Variants in CRYBG3 observed in about 807,000 individuals in gnomAD.
CRYBG3 encodes crystallin beta-gamma domain containing 3, also known as very large A-kinase anchor protein.
CRYBG3 carries 127 observed loss-of-function variants against 244.2 expected under a neutral mutation model. That is an observed-to-expected ratio of 0.52 (90% CI 0.45 to 0.60). The LOEUF (loss-of-function observed/expected upper bound fraction) is 0.60. Among genes scored for constraint, CRYBG3 ranks in the 20% least tolerant of loss-of-function variants. The probability of loss-of-function intolerance (pLI) is 0.00; values close to 1 mark genes in which losing one functional copy is unlikely to be tolerated. For missense variants in CRYBG3, 3,325 were observed against 3,442.5 expected, an observed-to-expected ratio of 0.97 and a Z score of 0.85; for synonymous variants, 1,132 against 1,195.8, an observed-to-expected ratio of 0.95 and a Z score of 1.10.
intron 18 of CRYBG3, among the ~76,000 whole-genome samples, chr3:97,935,461 T>C (rs2040153278): frequency 6.6e-6 from 1 of 151,946 alleles, no homozygotes; most frequent in Non-Finnish European, 1.5e-5. Context: ...TCAAGTCTGA[T>C]CTTGGTTGTG....
intron 8 of CRYBG3, among the ~76,000 whole-genome samples, chr3:97,887,316 ACT>A (rs1174620472): frequency 6.6e-6 from 1 of 152,034 alleles, no homozygotes; most frequent in Non-Finnish European, 1.5e-5. Flanking sequence ...GATTGACTTG[ACT>A]CCAAACCCTG....
chr3:97,879,114 G>A (rs2039416297), intron 4 of CRYBG3, among the ~76,000 whole-genome samples: 1 of 152,108 alleles, frequency 6.6e-6, no homozygotes, highest in Non-Finnish European at 1.5e-5. Context: ...GTTCTCCACT[G>A]CCTACCAAAT....
At chr3:97,852,652 T>C (rs555357628) in intron 2 of CRYBG3, among the ~76,000 whole-genome samples, 1 of 152,326 alleles carries the variant, frequency 6.6e-6, no homozygotes, top group East Asian at 1.9e-4. Context: ...TGTGCAGATA[T>C]CTCTTTGACA....
At chr3:97,833,233 A>T (rs894201283) in intron 1 of CRYBG3, among the ~76,000 whole-genome samples, 3 of 152,222 alleles carry the variant, frequency 2.0e-5, no homozygotes, top group African/African-American at 7.2e-5. Flanking sequence ...AAAGGATTAT[A>T]AATCATTCTG....
At chr3:97,924,065 AAT>A in intron 17 of CRYBG3, 1 of 167,868 alleles carries the variant, frequency 6.0e-6, no homozygotes, top group Non-Finnish European at 1.3e-5. Flanking sequence ...ATACAGCAGT[AAT>A]AATTAGTGGG....
chr3:97,855,241 G>A (rs1279317367), intron 2 of CRYBG3, among the ~76,000 whole-genome samples: 2 of 152,062 alleles, frequency 1.3e-5, no homozygotes, highest in East Asian at 3.9e-4. Context: ...TATTTTGCTA[G>A]TATTTTATTG....
rs1575982519 is a variant in CRYBG3, at chr3:97,942,015, C to A, written c.8665-269C>A. 2.7e-5 allele frequency: 7 copies of A among 261,696 alleles called. No individual in the cohort carries two copies. The East Asian group carries it at 4.8e-4, about 18-fold the overall frequency. The allele number at this position is 261,696 out of a possible 1,614,324, so 16.2% of individuals were successfully genotyped here. ...AACATTTAATTCCAATTCACCAAAT[C>A]TTTATTGAACATCTGTTGTCAGATG... On this transcript the variant is annotated intron_variant, in intron 20 of 21. Coordinates refer to ENST00000389622, the MANE Select transcript of CRYBG3 (RefSeq NM_153605.4).
chr3:97,937,324 C>G (rs907443152), intron 19 of CRYBG3, among the ~76,000 whole-genome samples: 12 of 152,170 alleles, frequency 7.9e-5, no homozygotes, highest in African/African-American at 2.6e-4. Context: ...GCTTGTCAGT[C>G]TTCTGTTCAA....
chr3:97,915,430 A>G (rs1009345697), intron 16 of CRYBG3, among the ~76,000 whole-genome samples, 180 bp from the exon 17 acceptor site: 1 of 152,166 alleles, frequency 6.6e-6, no homozygotes, highest in Admixed American at 6.5e-5. Context: ...CTGGCGCATC[A>G]TAAGCAGTTG....
chr3:97,826,308 G>A (rs1050142602), intron 1 of CRYBG3, among the ~76,000 whole-genome samples: 2 of 152,132 alleles, frequency 1.3e-5, no homozygotes, highest in Non-Finnish European at 2.9e-5. Context: ...TCAATTGTAT[G>A]CTCTGAAAGT....
intron 15 of CRYBG3, among the ~76,000 whole-genome samples, chr3:97,904,394 A>T (rs1188076854): frequency 6.6e-6 from 1 of 152,196 alleles, no homozygotes; most frequent in Admixed American, 6.5e-5. Flanking sequence ...GAGATACTTT[A>T]TAACATTATT....
At chr3:97,896,159 A>C (rs2108236686) in intron 12 of CRYBG3, 74 bp downstream of exon 12, 1 of 1,356,696 alleles carries the variant, frequency 7.4e-7, no homozygotes, top group East Asian at 2.3e-5. Flanking sequence ...ATGACTCCTG[A>C]TAGAACATGA....
At chr3:97,882,256 C>T (rs1169252043) in intron 7 of CRYBG3, among the ~76,000 whole-genome samples, 2 of 151,862 alleles carry the variant, frequency 1.3e-5, no homozygotes, top group African/African-American at 2.4e-5. Context: ...CAGAATACTC[C>T]TAATTAGTAT....
Position 97,943,514 on chromosome 3 carries a change from C to G in CRYBG3, c.*200C>G. 2 of 520,528 alleles carry G rather than the reference C, an allele frequency of 3.8e-6. No individual in the cohort carries two copies. The highest frequency in any genetic ancestry group is 6.6e-6 in the Non-Finnish European group (2 of 300,788). The allele number at this position is 520,528 out of a possible 1,614,324, so 32.2% of individuals were successfully genotyped here. A position where few individuals can be genotyped will look rare whatever the true frequency, so the allele number is the denominator to read the frequency against. On this transcript the variant is annotated 3_prime_UTR_variant, in exon 22 of 22. Transcript: ENST00000389622. ...ATATTCTTGCCATTACTCAGTGTTC[C>G]TATAAAGAAAATATTATGATATCTT... is the stretch of plus-strand genomic sequence containing the variant.
chr3:97,876,354 G>T lies in CRYBG3; in HGVS notation c.5160G>T (p.Lys1720Asn). 8.1e-7 allele frequency: 1 copy of T among 1,232,058 alleles called. No homozygotes were observed. The highest frequency in any genetic ancestry group is 1.0e-6 in the Non-Finnish European group (1 of 987,968). 76.3% of individuals were successfully genotyped at this position (1,232,058 alleles called of 1,614,324 possible). ...VTLAMENTYQ[K>N]DAEGDIGKAE... is the part of the protein sequence containing the mutation. ...TAGCAATGGAAAATACTTACCAAAA[G>T]GATGCTGAAGGGGATATTGGAAAGG... Residue 1720 changes from lysine (K) to asparagine (N), a missense_variant, in exon 4 of 22, where the codon AAG (lysine) becomes AAT (asparagine). Coordinates refer to ENST00000389622, the MANE Select transcript of CRYBG3 (RefSeq NM_153605.4).
intron 2 of CRYBG3, among the ~76,000 whole-genome samples, chr3:97,863,018 G>A (rs751755073): frequency 1.7e-4 from 26 of 152,140 alleles, no homozygotes; most frequent in Middle Eastern, 3.4e-3. Context: ...TTTGAACTTA[G>A]ATCAAAACAT....
At chr3:97,890,613 T>C (rs948995963) in intron 10 of CRYBG3, among the ~76,000 whole-genome samples, 3 of 152,210 alleles carry the variant, frequency 2.0e-5, no homozygotes, top group African/African-American at 7.2e-5. Context: ...ATCTCAAATA[T>C]AGTACCCTGT....
At chr3:97,933,060 T>G in intron 17 of CRYBG3, 1 of 438,876 alleles carries the variant, frequency 2.3e-6, no homozygotes, top group South Asian at 1.7e-5. Context: ...AGATGGTGCC[T>G]TGTTTTATCA....
Position 97,881,147 on chromosome 3 carries a change from T to C in CRYBG3, c.7080T>C (p.Arg2360=). 6.2e-7 allele frequency: 1 copy of C among 1,612,734 alleles called. No homozygotes were observed. Among genetic ancestry groups the C allele is most frequent in the Non-Finnish European group, 8.5e-7 (1 of 1,179,186 alleles). ...AAGAAGGGGAAAAGGTGTTAAATCG[T>C]GACTGGATTCTTCAGAACAGAAGGC... ...VLEEGEKVLN[R]DWILQNRRHP... Residue 2360 remains arginine (R), a synonymous_variant, in exon 7 of 22, where the codon CGT becomes CGC. Coordinates refer to ENST00000389622, the MANE Select transcript of CRYBG3 (RefSeq NM_153605.4).
Sources: gnomAD v4.1 joint callset for allele counts (sites outside exome capture counted in the v4.1 genomes callset) on GRCh38, gnomAD v4.1.1 for gene constraint, MANE v1.5 for transcripts, NCBI Gene and HGNC (gene_info 2026-07-23, HGNC 2026-07-21) for gene names.